The following NXPH1 variants were observed in gnomAD, a reference collection of about 807,000 sequenced individuals.
The protein encoded by NXPH1 is neurexophilin 1, also known as neurexophilin-1.
NXPH1 carries 5 observed loss-of-function variants against 23.7 expected under a neutral mutation model. The observed-to-expected ratio is 0.21, with a 90% CI of 0.11 to 0.44. NXPH1 has a LOEUF of 0.44. NXPH1 is among the 20% of genes least tolerant of loss of function. The pLI, the probability that NXPH1 is intolerant of heterozygous loss-of-function variation, is 0.99. For missense variants in NXPH1, 324 were observed against 321.6 expected (o/e 1.01, Z -0.06); for synonymous variants, 144 against 122.2 (o/e 1.18, Z -1.18).
chr7:8,515,969 T>G (rs1397854665), intron 2 of NXPH1, among the ~76,000 whole-genome samples: 1 of 152,142 alleles, frequency 6.6e-6, no homozygotes, highest in Non-Finnish European at 1.5e-5. Flanking sequence ...CACACACTCA[T>G]GCATACCTAT....
At chr7:8,725,363 G>A (rs150296901) in intron 2 of NXPH1, among the ~76,000 whole-genome samples, 1,628 of 151,986 alleles carry the variant, frequency 0.011, 27 homozygotes, top group African/African-American at 0.037. Flanking sequence ...GGTGGTGGGC[G>A]CCTGTAGTCC....
rs193268476 is a variant in NXPH1 at position 8,471,992 on chromosome 7, A to G, written c.54+36225A>G. ...TTTTTTGATATCCTACACGATGGCC[A>G]TAAAAATTTAAAATATAAATAATAT... is the stretch of plus-strand genomic sequence containing the variant. On this transcript the variant is annotated intron_variant, in intron 2 of 2. Transcript: ENST00000405863. Among the ~76,000 whole-genome samples, 308 of 151,786 alleles carry G rather than the reference A, an allele frequency of 2.0e-3. 1 individual carries two copies. Among genetic ancestry groups the G allele is most frequent in the African/African-American group, 7.2e-3 (299 of 41,514 alleles).
chr7:8,726,659 A>T (rs1389486081), intron 2 of NXPH1, among the ~76,000 whole-genome samples: 2 of 150,368 alleles, frequency 1.3e-5, no homozygotes, highest in East Asian at 3.9e-4. Context: ...TACAAAGGAC[A>T]TGAACTCATC....
intron 2 of NXPH1, among the ~76,000 whole-genome samples, chr7:8,609,664 C>T (rs1819574514): frequency 6.6e-6 from 1 of 152,122 alleles, no homozygotes; most frequent in Admixed American, 6.5e-5. Context: ...GTGTGATGTC[C>T]TCCATTGTGT....
chr7:8,459,210 G>C (rs745884637), intron 2 of NXPH1, among the ~76,000 whole-genome samples: 1 of 151,284 alleles, frequency 6.6e-6, no homozygotes, highest in African/African-American at 2.4e-5. Context: ...TGGTTAATGA[G>C]GACATAAAAT....
intron 2 of NXPH1, among the ~76,000 whole-genome samples, chr7:8,705,612 G>T (rs1269314408): frequency 2.0e-5 from 3 of 152,182 alleles, no homozygotes; most frequent in African/African-American, 7.2e-5. Context: ...ATCAGGCATT[G>T]ATTCCAGTTG....
chr7:8,589,764 G>C (rs758292936), intron 2 of NXPH1, among the ~76,000 whole-genome samples: 7 of 152,054 alleles, frequency 4.6e-5, no homozygotes, highest in Non-Finnish European at 7.4e-5. Flanking sequence ...ACAGACCAGA[G>C]AGCAGGTCTA....
intron 2 of NXPH1, among the ~76,000 whole-genome samples, chr7:8,561,805 G>C (rs1194485915): frequency 1.3e-5 from 2 of 151,676 alleles, no homozygotes; most frequent in Admixed American, 6.6e-5. Context: ...CATAAAAAGA[G>C]AGTGGTGCCA....
chr7:8,612,547 A>G (rs112713993), intron 2 of NXPH1, among the ~76,000 whole-genome samples: 6 of 152,168 alleles, frequency 3.9e-5, no homozygotes, highest in East Asian at 1.9e-4. Flanking sequence ...ATAAGCATTC[A>G]TATGTGCTAA....
chr7:8,641,419 T>C (rs4725104), intron 2 of NXPH1, among the ~76,000 whole-genome samples: 150,058 of 152,236 alleles, frequency 0.99, 73,952 homozygotes, highest in East Asian at 1. Context: ...GTATTTCTAC[T>C]ACAGAAATTG....
At chr7:8,720,255 T>C (rs1215876784) in intron 2 of NXPH1, among the ~76,000 whole-genome samples, 1 of 152,188 alleles carries the variant, frequency 6.6e-6, no homozygotes, top group Non-Finnish European at 1.5e-5. Context: ...GTAATACCAG[T>C]AATAGTAATC....
At chr7:8,652,769 C>G (rs543424349) in intron 2 of NXPH1, among the ~76,000 whole-genome samples, 1 of 152,230 alleles carries the variant, frequency 6.6e-6, no homozygotes, top group East Asian at 1.9e-4. Flanking sequence ...TGCTTTTTAT[C>G]CTTCTTAAGG....
At chr7:8,661,411 A>G (rs114848479) in intron 2 of NXPH1, among the ~76,000 whole-genome samples, 53 of 152,276 alleles carry the variant, frequency 3.5e-4, no homozygotes, top group African/African-American at 1.1e-3. Context: ...GGATCTGACA[A>G]CTGCCTAGAA....
At chr7:8,689,351 C>G (rs1206758826) in intron 2 of NXPH1, among the ~76,000 whole-genome samples, 2 of 151,436 alleles carry the variant, frequency 1.3e-5, no homozygotes, top group Non-Finnish European at 2.9e-5. Flanking sequence ...TATCAGTCAG[C>G]TCGCTGGCAG....
chr7:8,490,929 A>G (rs770431430), intron 2 of NXPH1, among the ~76,000 whole-genome samples: 1 of 152,120 alleles, frequency 6.6e-6, no homozygotes, highest in Non-Finnish European at 1.5e-5. Context: ...TACAAAATGC[A>G]TAAGAACATT....
At chr7:8,671,674 A>G (rs1820871365) in intron 2 of NXPH1, among the ~76,000 whole-genome samples, 2 of 152,194 alleles carry the variant, frequency 1.3e-5, no homozygotes, top group Non-Finnish European at 2.9e-5. Flanking sequence ...TGGTACAGAA[A>G]AACACACTTG....
chr7:8,727,249 A>T (rs865945788), intron 2 of NXPH1, among the ~76,000 whole-genome samples: 1 of 121,734 alleles, frequency 8.2e-6, no homozygotes, highest in African/African-American at 3.8e-5. Flanking sequence ...CCTTTGTCAG[A>T]TGAGTAGGTT....
intron 2 of NXPH1, among the ~76,000 whole-genome samples, chr7:8,705,458 A>G (rs1246060551): frequency 6.6e-6 from 1 of 152,152 alleles, no homozygotes. Context: ...GCAACCCTAG[A>G]GAAACTGCAG....
rs550404720 is a variant in NXPH1 at position 8,703,392 on chromosome 7, C to T, written c.55-47616C>T. On this transcript the variant is annotated intron_variant, in intron 2 of 2. Transcript: ENST00000405863. Reference sequence around the variant, plus strand: ...AAATCACTTCCCTAAGTTATATGCACGCTATTGAAATACCTGGTTTGGTTT... The same window carrying T: ...AAATCACTTCCCTAAGTTATATGCATGCTATTGAAATACCTGGTTTGGTTT... Among the ~76,000 whole-genome samples, 4 of 152,190 alleles carry T rather than the reference C, an allele frequency of 2.6e-5. 1 individual carries two copies. The highest frequency in any genetic ancestry group is 9.6e-5 in the African/African-American group (4 of 41,530).
Sources: allele counts gnomAD v4.1 joint callset (sites outside exome capture counted in the v4.1 genomes callset), GRCh38; gene constraint gnomAD v4.1.1; transcripts MANE v1.5; gene names NCBI Gene and HGNC (gene_info 2026-07-23, HGNC 2026-07-21).